ALDH18A1: variants seen among roughly 807,000 people sequenced by gnomAD.
ALDH18A1 encodes the protein delta-1-pyrroline-5-carboxylate synthase.
A neutral mutation model predicts 88.8 loss-of-function variants in ALDH18A1; 44 were observed. That is an observed-to-expected ratio of 0.50 (90% CI 0.39 to 0.64). The LOEUF (loss-of-function observed/expected upper bound fraction) is 0.64, where lower values mean the gene tolerates loss of function less well. Among genes scored for constraint, ALDH18A1 ranks in the 30% least tolerant of loss-of-function variants. The pLI, the probability that ALDH18A1 is intolerant of heterozygous loss-of-function variation, is 0.00. For missense variants in ALDH18A1, 782 were observed against 1,009.5 expected (o/e 0.77, Z 3.05); for synonymous variants, 331 against 372.1 (o/e 0.89, Z 1.27).
intron 2 of ALDH18A1, among the ~76,000 whole-genome samples, chr10:95,651,058 G>T (rs749799437): frequency 6.6e-6 from 1 of 152,038 alleles, no homozygotes; most frequent in African/African-American, 2.4e-5. Context: ...GCTTGAACCC[G>T]GGAGGCAGAG....
At chr10:95,631,503 G>C (rs1193527871) in intron 7 of ALDH18A1, among the ~76,000 whole-genome samples, 1 of 152,106 alleles carries the variant, frequency 6.6e-6, no homozygotes, top group African/African-American at 2.4e-5. Context: ...CCAGCACTTT[G>C]GGAGGCTGAG....
At chr10:95,613,512 C>T (rs1231758818) in intron 15 of ALDH18A1, among the ~76,000 whole-genome samples, 1 of 152,190 alleles carries the variant, frequency 6.6e-6, no homozygotes, top group Non-Finnish European at 1.5e-5. Flanking sequence ...CCCTCTTTAG[C>T]ACACAACACA....
chr10:95,606,567 A>AC lies in ALDH18A1; in HGVS notation c.*194_*195insG. ...CAACTATTTTCTTACTTTAAAAAAAAAGGGTGAGCTGGGAGCCAGACTGTG... is the reference window on the plus strand; with the variant it reads ...CAACTATTTTCTTACTTTAAAAAAAACAGGGTGAGCTGGGAGCCAGACTGTG... On this transcript the variant is annotated 3_prime_UTR_variant, in exon 18 of 18. Coordinates refer to ENST00000371224, the MANE Select transcript of ALDH18A1 (RefSeq NM_002860.4). 1.3e-6 allele frequency: 2 copies of AC among 1,483,894 alleles called. No individual in the cohort carries two copies. The highest frequency in any genetic ancestry group is 1.8e-6 in the Non-Finnish European group (2 of 1,125,880). 91.9% of individuals were successfully genotyped at this position (1,483,894 alleles called of 1,614,324 possible).
At position 95,619,790 on chromosome 10, in the gene ALDH18A1, A is replaced by C. The variant is rs181958448; in HGVS notation, c.1467+1241T>G. Reference sequence around the variant, plus strand: ...TACACCTTATACAAAAATTAATTCAAGATGGATTAAAAACTTAAATGTTAG... The same window carrying C: ...TACACCTTATACAAAAATTAATTCACGATGGATTAAAAACTTAAATGTTAG... On this transcript the variant is annotated intron_variant, in intron 12 of 17. Coordinates refer to ENST00000371224, the MANE Select transcript of ALDH18A1 (RefSeq NM_002860.4). Among the ~76,000 whole-genome samples, 550 of 152,346 alleles carry C rather than the reference A, an allele frequency of 3.6e-3. 8 individuals are homozygous for C. The highest frequency in any genetic ancestry group is 0.011 in the South Asian group (51 of 4,828).
intron 11 of ALDH18A1, among the ~76,000 whole-genome samples, chr10:95,622,206 T>G (rs1331035826): frequency 6.6e-6 from 1 of 152,204 alleles, no homozygotes; most frequent in African/African-American, 2.4e-5. Flanking sequence ...TTTTTCCTTT[T>G]TTTCTTTTAG....
At chr10:95,642,542 T>C (rs950921392) in intron 3 of ALDH18A1, among the ~76,000 whole-genome samples, 9 of 152,038 alleles carry the variant, frequency 5.9e-5, no homozygotes, top group Non-Finnish European at 1.2e-4. Flanking sequence ...TTGAGCTCGA[T>C]AGGTCCAGGC....
At chr10:95,606,973 C>G (rs2097823968) in intron 17 of ALDH18A1, 30 bp from the exon 18 acceptor site, 3 of 1,610,646 alleles carry the variant, frequency 1.9e-6, no homozygotes, top group East Asian at 2.2e-5. Context: ...AAAGATGTAG[C>G]TTTTCCCAGC....
intron 2 of ALDH18A1, among the ~76,000 whole-genome samples, chr10:95,648,726 A>C (rs899120384): frequency 6.6e-6 from 1 of 152,202 alleles, no homozygotes; most frequent in African/African-American, 2.4e-5. Flanking sequence ...CTGGAGAATG[A>C]GAAGCCACAG....
intron 1 of ALDH18A1, among the ~76,000 whole-genome samples, chr10:95,656,130 G>T (rs1053399078): frequency 2.0e-5 from 3 of 152,156 alleles, no homozygotes; most frequent in African/African-American, 7.2e-5. Context: ...GGGAACTAGG[G>T]ACCCAGGCCC....
chr10:95,655,950 T>C (rs1035264799), intron 1 of ALDH18A1, among the ~76,000 whole-genome samples: 2 of 151,872 alleles, frequency 1.3e-5, no homozygotes, highest in African/African-American at 4.8e-5. Context: ...AATACAAAGA[T>C]CCGATGGGCC....
chr10:95,649,876 G>A (rs1487042802), intron 2 of ALDH18A1, among the ~76,000 whole-genome samples: 2 of 149,932 alleles, frequency 1.3e-5, no homozygotes, highest in African/African-American at 4.9e-5. Context: ...GTGACACCCT[G>A]TCTCAAAAAA....
At chr10:95,629,700 T>C (rs1163978460) in intron 7 of ALDH18A1, among the ~76,000 whole-genome samples, 1 of 151,642 alleles carries the variant, frequency 6.6e-6, no homozygotes, top group Non-Finnish European at 1.5e-5. Flanking sequence ...CAGTGAGGGG[T>C]TCCTAGCATT....
intron 13 of ALDH18A1, among the ~76,000 whole-genome samples, chr10:95,615,882 G>T (rs1166540894): frequency 6.6e-6 from 1 of 152,156 alleles, no homozygotes; most frequent in Non-Finnish European, 1.5e-5. Flanking sequence ...TGTAGAAAAT[G>T]AGTCTAATAA....
In ALDH18A1 at chr10:95,611,460, CA is replaced by C. The variant is rs2097834333; in HGVS notation, c.1924-19del. 1.2e-6 allele frequency: 2 copies of C among 1,613,394 alleles called. No individual in the cohort carries two copies. The highest frequency in any genetic ancestry group is 1.7e-6 in the Non-Finnish European group (2 of 1,179,366). ...ATTTTTACCTGGAACAGAGGAAGTC[CA>C]GGGGCAACAACATAAAAACAACTGA... On this transcript the variant is annotated intron_variant, in intron 15 of 17. Transcript: ENST00000371224.
intron 3 of ALDH18A1, 72 bp from the exon 4 acceptor site, chr10:95,637,508 G>A: frequency 6.4e-7 from 1 of 1,564,606 alleles, no homozygotes; most frequent in Non-Finnish European, 8.7e-7. Flanking sequence ...AAGGGATGGA[G>A]GTAGGGTGGG....
intron 5 of ALDH18A1, among the ~76,000 whole-genome samples, chr10:95,636,170 T>C (rs775287556): frequency 6.6e-6 from 1 of 151,978 alleles, no homozygotes; most frequent in Non-Finnish European, 1.5e-5. Flanking sequence ...TAACAGGAAA[T>C]GAAGAAGCAA....
At chr10:95,628,565 T>G in intron 7 of ALDH18A1, 73 bp from the exon 8 acceptor site, 1 of 1,563,094 alleles carries the variant, frequency 6.4e-7, no homozygotes. Context: ...CCAGGGCACC[T>G]GCCAATCACT....
intron 2 of ALDH18A1, among the ~76,000 whole-genome samples, chr10:95,645,451 T>C (rs2097899688): frequency 6.6e-6 from 1 of 152,158 alleles, no homozygotes; most frequent in Non-Finnish European, 1.5e-5. Context: ...CTTCTGACTA[T>C]CTCCTGGCCG....
Position 95,643,061 on chromosome 10 carries a change from G to A in ALDH18A1, c.234C>T (p.Gly78=). Residue 78 remains glycine, a synonymous_variant, in exon 3 of 18, where the codon GGC becomes GGT. Transcript: ENST00000371224. The part of the protein sequence containing the change: ...KHAKRIVVKL[G]SAVVTRGDEC... ...CATCCCCTCGGGTCACCACGGCACTGCCGAGCTTCACCACGATTCTCTTGG... is the reference window on the plus strand; with the variant it reads ...CATCCCCTCGGGTCACCACGGCACTACCGAGCTTCACCACGATTCTCTTGG... The A allele has an allele frequency of 6.2e-7, 1 of 1,614,038 alleles. No homozygotes were observed.
Sources: gnomAD v4.1 joint callset for allele counts (sites outside exome capture counted in the v4.1 genomes callset) on GRCh38, gnomAD v4.1.1 for gene constraint, MANE v1.5 for transcripts, NCBI Gene and HGNC (gene_info 2026-07-23, HGNC 2026-07-21) for gene names.